C3orf70: variants seen among roughly 807,000 people sequenced by gnomAD.
C3orf70 encodes UPF0524 protein C3orf70.
A neutral mutation model predicts 20.7 loss-of-function variants in C3orf70; 15 were observed. That is an observed-to-expected ratio of 0.72 (90% CI 0.48 to 1.11). C3orf70 has a LOEUF of 1.11. Ranked by LOEUF, C3orf70 falls within the 50% of genes most tolerant of loss-of-function variation. The probability of loss-of-function intolerance (pLI) is 0.00; values close to 1 mark genes in which losing one functional copy is unlikely to be tolerated. For missense variants in C3orf70, 332 were observed against 317.6 expected (o/e 1.05, Z -0.34); for synonymous variants, 161 against 125.7 (o/e 1.28, Z -1.88).
chr3:185,094,878 G>A (rs1029306820), intron 1 of C3orf70, among the ~76,000 whole-genome samples: 3 of 152,146 alleles, frequency 2.0e-5, no homozygotes, highest in Non-Finnish European at 1.5e-5. Flanking sequence ...GATGAAGCAT[G>A]AAAACCATAT....
chr3:185,136,493 C>T (rs4687082), intron 1 of C3orf70, among the ~76,000 whole-genome samples: 19,107 of 152,092 alleles, frequency 0.13, 1,313 homozygotes, highest in East Asian at 0.23. Context: ...TAGGCCAAGG[C>T]GGGTGGATCA....
chr3:185,120,080 ATAT>A (rs1265191553), intron 1 of C3orf70, among the ~76,000 whole-genome samples: 1 of 151,658 alleles, frequency 6.6e-6, no homozygotes, highest in Non-Finnish European at 1.5e-5. Context: ...ATACTTGGTC[ATAT>A]AATAATAACA....
Position 185,082,594 on chromosome 3 carries a change from T to A in C3orf70, c.*413A>T. The A allele has an allele frequency of 5.2e-6, 1 of 191,944 alleles. No individual in the cohort carries two copies. The highest frequency in any genetic ancestry group is 1.1e-4 in the South Asian group (1 of 8,860). 11.9% of individuals were successfully genotyped at this position (191,944 alleles called of 1,614,324 possible). ...TAGGACAAGCAGGACAGGACGGGAG[T>A]GCCTGTGAACATGCCAAAGGGAATG... On this transcript the variant is annotated 3_prime_UTR_variant, in exon 2 of 2. Coordinates refer to ENST00000335012, the MANE Select transcript of C3orf70 (RefSeq NM_001025266.3).
At chr3:185,088,581 T>G (rs1363721052) in intron 1 of C3orf70, among the ~76,000 whole-genome samples, 2 of 152,184 alleles carry the variant, frequency 1.3e-5, no homozygotes, top group African/African-American at 4.8e-5. Flanking sequence ...ACCATAGATG[T>G]GATGACACAC....
At chr3:185,125,453 AG>A (rs1334684797) in intron 1 of C3orf70, among the ~76,000 whole-genome samples, 4 of 152,208 alleles carry the variant, frequency 2.6e-5, no homozygotes, top group Non-Finnish European at 4.4e-5. Context: ...GTAGTTTTTT[AG>A]AAAATTAAAC....
chr3:185,104,581 C>T (rs11927678), intron 1 of C3orf70, among the ~76,000 whole-genome samples: 7,909 of 152,154 alleles, frequency 0.052, 666 homozygotes, highest in African/African-American at 0.18. Flanking sequence ...AACCCAAATG[C>T]CCATCAATGA....
At chr3:185,096,801 A>T (rs1207936141) in intron 1 of C3orf70, among the ~76,000 whole-genome samples, 1 of 151,970 alleles carries the variant, frequency 6.6e-6, no homozygotes, top group Non-Finnish European at 1.5e-5. Context: ...GCCCACACTA[A>T]GCTTCTGCTC....
At position 185,077,796 on chromosome 3, in the gene C3orf70, G is replaced by GGGGC. The variant is rs1553918681; in HGVS notation, c.*5210_*5211insGCCC. On this transcript the variant is annotated 3_prime_UTR_variant, in exon 2 of 2. Transcript: ENST00000335012. Reference sequence around the variant, plus strand: ...AATGCTATTTGGTGGTGGTGGGGGGGGGGTATCAAGTTTTATTTGCTATAA... The same window carrying GGGGC: ...AATGCTATTTGGTGGTGGTGGGGGGGGGGCGGGTATCAAGTTTTATTTGCTATAA... Among the ~76,000 whole-genome samples, 3 of 150,798 alleles carry GGGGC rather than the reference G, an allele frequency of 2.0e-5. No homozygotes were observed. The highest frequency in any genetic ancestry group is 2.1e-4 in the South Asian group (1 of 4,676).
At chr3:185,116,473 G>A (rs549204326) in intron 1 of C3orf70, among the ~76,000 whole-genome samples, 1 of 152,256 alleles carries the variant, frequency 6.6e-6, no homozygotes, top group South Asian at 2.1e-4. Flanking sequence ...TTACGTTTTA[G>A]GCTGGACAAT....
At chr3:185,125,552 A>C (rs1271685919) in intron 1 of C3orf70, among the ~76,000 whole-genome samples, 1 of 152,218 alleles carries the variant, frequency 6.6e-6, no homozygotes, top group Non-Finnish European at 1.5e-5. Context: ...ATGCATGCAA[A>C]TATTTATAGC....
At chr3:185,101,178 T>C (rs890027603) in intron 1 of C3orf70, among the ~76,000 whole-genome samples, 2 of 152,170 alleles carry the variant, frequency 1.3e-5, no homozygotes, top group African/African-American at 4.8e-5. Flanking sequence ...CCCTAACTTA[T>C]TCTATGAGGC....
intron 1 of C3orf70, among the ~76,000 whole-genome samples, chr3:185,091,934 TA>T: frequency 2.1e-4 from 1 of 4,866 alleles, no homozygotes; most frequent in African/African-American, 9.7e-4. Context: ...TATATATATA[TA>T]TATATATATA....
intron 1 of C3orf70, among the ~76,000 whole-genome samples, chr3:185,135,896 AAAAAG>A (rs1233406525): frequency 1.3e-5 from 2 of 152,186 alleles, no homozygotes; most frequent in African/African-American, 4.8e-5. Flanking sequence ...TGAAGGCAGG[AAAAAG>A]AAAAGAAAAA....
rs561995357 is a variant in C3orf70 at position 185,098,169 on chromosome 3, C to T, written c.197-14606G>A. ...GCCAGCCCCACAGCAAGGATGAAGC[C>T]TGTCCAGGTACAGCTGTTCTGGATA... On this transcript the variant is annotated intron_variant, in intron 1 of 1. Transcript: ENST00000335012. 4.6e-5 allele frequency among the ~76,000 whole-genome samples: 7 copies of T among 152,322 alleles called. No homozygotes were observed. In the South Asian group the frequency reaches 1.2e-3, roughly 27 times the overall value.
At position 185,079,306 on chromosome 3, in the gene C3orf70, T is replaced by TAAAAAAAAAAAAAAAAAAAAAA. The variant is rs1321535800; in HGVS notation, c.*3700_*3701insTTTTTTTTTTTTTTTTTTTTTT. Reference sequence around the variant, plus strand: ...AAAAAAAAAAAAAAAAAAAAAAAAGTAAAGCCACCACTCCCAAGATAGAAT... The same window carrying TAAAAAAAAAAAAAAAAAAAAAA: ...AAAAAAAAAAAAAAAAAAAAAAAAGTAAAAAAAAAAAAAAAAAAAAAAAAAGCCACCACTCCCAAGATAGAAT... On this transcript the variant is annotated 3_prime_UTR_variant, in exon 2 of 2. Coordinates refer to ENST00000335012, the MANE Select transcript of C3orf70 (RefSeq NM_001025266.3). The TAAAAAAAAAAAAAAAAAAAAAA allele has an allele frequency of 2.8e-4, 34 of 122,782 alleles. No homozygotes were observed. Among genetic ancestry groups the TAAAAAAAAAAAAAAAAAAAAAA allele is most frequent in the Non-Finnish European group, 4.2e-4 (25 of 59,488 alleles). 7.6% of individuals were successfully genotyped at this position (122,782 alleles called of 1,614,324 possible). A position where few individuals can be genotyped will look rare whatever the true frequency, so the allele number is the denominator to read the frequency against.
intron 1 of C3orf70, among the ~76,000 whole-genome samples, chr3:185,136,143 G>T (rs1265400510): frequency 6.6e-6 from 1 of 152,112 alleles, no homozygotes; most frequent in Non-Finnish European, 1.5e-5. Context: ...TTAACCAAAA[G>T]AAAGCAGTTA....
intron 1 of C3orf70, among the ~76,000 whole-genome samples, chr3:185,095,051 G>A (rs756946911): frequency 1.3e-5 from 2 of 152,162 alleles, no homozygotes; most frequent in African/African-American, 2.4e-5. Flanking sequence ...GTTGTTACAA[G>A]GAGAGAAAAA....
chr3:185,147,955 G>A (rs9812420), intron 1 of C3orf70, among the ~76,000 whole-genome samples: 124,303 of 152,112 alleles, frequency 0.82, 50,881 homozygotes, highest in Non-Finnish European at 0.84. Context: ...ACTCTTTCTT[G>A]AAACACTAAT....
intron 1 of C3orf70, among the ~76,000 whole-genome samples, chr3:185,142,124 C>T (rs1716764154): frequency 6.6e-6 from 1 of 151,912 alleles, no homozygotes; most frequent in East Asian, 1.9e-4. Context: ...ATCTGAACAT[C>T]AAAAATAATT....
Sources: allele counts gnomAD v4.1 joint callset (sites outside exome capture counted in the v4.1 genomes callset), GRCh38; gene constraint gnomAD v4.1.1; transcripts MANE v1.5; gene names NCBI Gene and HGNC (gene_info 2026-07-23, HGNC 2026-07-21).